R3HDM2: variants seen among roughly 807,000 people sequenced by gnomAD.
R3HDM2 encodes R3H domain-containing protein 2.
R3HDM2 carries 38 observed loss-of-function variants against 124.5 expected under a neutral mutation model. That is an observed-to-expected ratio of 0.31 (90% CI 0.24 to 0.40). The LOEUF is 0.40. Ranked by LOEUF, R3HDM2 falls within the 10% of genes least tolerant of loss-of-function variation. R3HDM2 has a pLI of 1.00. For missense variants in R3HDM2, 869 were observed against 1,236.9 expected, an observed-to-expected ratio of 0.70 and a Z score of 4.46; for synonymous variants, 391 against 448.0, an observed-to-expected ratio of 0.87 and a Z score of 1.61.
At position 57,269,435 on chromosome 12, in the gene R3HDM2, G is replaced by A. The variant is rs754283569; in HGVS notation, c.1602C>T (p.Tyr534=). 9.9e-6 allele frequency: 16 copies of A among 1,613,980 alleles called. No homozygotes were observed. The South Asian group carries it at 1.3e-4, about 13-fold the overall frequency. Residue 534 remains tyrosine (Y), a synonymous_variant, in exon 16 of 24, where the codon TAC becomes TAT. Transcript: ENST00000402412. ...AGTTAGGATATTGTCCAGGGGGATA[G>A]TAAGAAACCTGGATCTATGGTGAGA... is the stretch of plus-strand genomic sequence containing the variant. ...MQPPQQIQVS[Y]YPPGQYPNSN...
chr12:57,269,959 G>A lies in R3HDM2; in HGVS notation c.1380C>T (p.Ser460=), dbSNP rs2043220336. 6.2e-7 allele frequency: 1 copy of A among 1,614,188 alleles called. No individual in the cohort carries two copies. The highest frequency in any genetic ancestry group is 8.5e-7 in the Non-Finnish European group (1 of 1,180,034). ...CTTCAGTAGAACCTTGGCGACTAAGGCTCATTTGTCCAAAGGGGTTGCTGA... is the reference window on the plus strand; with the variant it reads ...CTTCAGTAGAACCTTGGCGACTAAGACTCATTTGTCCAAAGGGGTTGCTGA... ...DDLSNPFGQM[S]LSRQGSTEAA... Residue 460 remains serine (S), a synonymous_variant, in exon 15 of 24, where the codon AGC becomes AGT. Transcript: ENST00000402412.
intron 2 of R3HDM2, among the ~76,000 whole-genome samples, chr12:57,365,251 G>A (rs1319932100): frequency 1.3e-5 from 2 of 150,624 alleles, no homozygotes; most frequent in South Asian, 2.1e-4. Context: ...GTGACAGAGT[G>A]AGACTCTGTC....
intron 1 of R3HDM2, among the ~76,000 whole-genome samples, chr12:57,424,505 C>A (rs1437360663): frequency 6.6e-6 from 1 of 152,066 alleles, no homozygotes; most frequent in Non-Finnish European, 1.5e-5. Context: ...ATTGTCACTG[C>A]CTTAATTACT....
At chr12:57,264,783 C>A (rs1448330288) in intron 19 of R3HDM2, among the ~76,000 whole-genome samples, 5 of 152,068 alleles carry the variant, frequency 3.3e-5, no homozygotes, top group African/African-American at 4.8e-5. Flanking sequence ...ACTAAAAGCA[C>A]ATGCCACCAT....
chr12:57,308,571 A>G (rs970710095), intron 3 of R3HDM2, among the ~76,000 whole-genome samples: 1 of 151,770 alleles, frequency 6.6e-6, no homozygotes, highest in African/African-American at 2.4e-5. Flanking sequence ...CTGTAATCCC[A>G]ACTACTCGGG....
chr12:57,372,477 C>A (rs530125357), intron 2 of R3HDM2, among the ~76,000 whole-genome samples: 1 of 152,124 alleles, frequency 6.6e-6, no homozygotes, highest in Non-Finnish European at 1.5e-5. Context: ...AAGCTCTTTG[C>A]AATAAAGGGT....
chr12:57,392,112 G>A (rs1206518845), intron 2 of R3HDM2, among the ~76,000 whole-genome samples: 3 of 152,250 alleles, frequency 2.0e-5, no homozygotes, highest in Admixed American at 6.5e-5. Context: ...GCAGTGAGCC[G>A]AGATCGTGCA....
At chr12:57,311,638 G>A (rs1392718004) in intron 2 of R3HDM2, among the ~76,000 whole-genome samples, 1 of 152,088 alleles carries the variant, frequency 6.6e-6, no homozygotes, top group Non-Finnish European at 1.5e-5. Flanking sequence ...CTCCCAAAGT[G>A]TTGGGATTAG....
At chr12:57,384,488 G>A (rs1262825231) in intron 2 of R3HDM2, among the ~76,000 whole-genome samples, 1 of 152,072 alleles carries the variant, frequency 6.6e-6, no homozygotes, top group African/African-American at 2.4e-5. Context: ...TACTTCTTTT[G>A]GAAGGCTGTA....
intron 2 of R3HDM2, among the ~76,000 whole-genome samples, chr12:57,342,918 T>C (rs544797123): frequency 1.3e-5 from 2 of 152,222 alleles, no homozygotes; most frequent in Admixed American, 6.5e-5. Context: ...AGGATACCAG[T>C]AGCTATCTAT....
At chr12:57,268,898 C>A (rs1177470318) in intron 17 of R3HDM2, 24 bp downstream of exon 17, 1 of 1,609,186 alleles carries the variant, frequency 6.2e-7, no homozygotes, top group Admixed American at 1.7e-5. Context: ...TGGGGTGATC[C>A]TTCCCAATGC....
chr12:57,297,321 A>G lies in R3HDM2; in HGVS notation c.560+7T>C. 1 of 1,439,218 alleles carries G rather than the reference A, an allele frequency of 6.9e-7. No homozygotes were observed. The highest frequency in any genetic ancestry group is 9.5e-7 in the Non-Finnish European group (1 of 1,049,054). 89.2% of individuals were successfully genotyped at this position (1,439,218 alleles called of 1,614,324 possible). A position where few individuals can be genotyped will look rare whatever the true frequency, so the allele number is the denominator to read the frequency against. On this transcript the variant is annotated splice_region_variant and intron_variant, in intron 8 of 23. Coordinates refer to ENST00000402412, the MANE Select transcript of R3HDM2 (RefSeq NM_001394031.1). ...CTCTAATTATATATTTCATGCAAGT[A>G]ACTTACTTGTTGTCATTAATAAATT... is the stretch of plus-strand genomic sequence containing the variant.
chr12:57,423,325 A>G (rs368691996), intron 1 of R3HDM2, among the ~76,000 whole-genome samples: 15 of 151,736 alleles, frequency 9.9e-5, no homozygotes, highest in African/African-American at 3.6e-4. Flanking sequence ...TTGTAAGACT[A>G]AAGTGGGAGA....
intron 1 of R3HDM2, among the ~76,000 whole-genome samples, chr12:57,412,696 C>T (rs933359457): frequency 6.6e-6 from 1 of 151,524 alleles, no homozygotes; most frequent in Non-Finnish European, 1.5e-5. Flanking sequence ...ATTACCTGAG[C>T]ATAAGAGGGA....
At chr12:57,297,938 C>T (rs563260685) in intron 7 of R3HDM2, 152 bp downstream of exon 7, 2 of 649,996 alleles carry the variant, frequency 3.1e-6, no homozygotes, top group South Asian at 3.6e-5. Flanking sequence ...GAATCCCTCA[C>T]AGAATATAAA....
At chr12:57,300,977 G>T (rs1459309636) in intron 4 of R3HDM2, among the ~76,000 whole-genome samples, 1 of 152,006 alleles carries the variant, frequency 6.6e-6, no homozygotes, top group Admixed American at 6.6e-5. Flanking sequence ...GGTAGCACAT[G>T]ACTGTGGTCC....
intron 2 of R3HDM2, among the ~76,000 whole-genome samples, chr12:57,349,979 G>C (rs528835302): frequency 6.6e-6 from 1 of 152,036 alleles, no homozygotes; most frequent in African/African-American, 2.4e-5. Context: ...TTGGGAGGCC[G>C]AGGTGGGCAG....
chr12:57,287,597 C>T (rs1224286469), intron 12 of R3HDM2, among the ~76,000 whole-genome samples: 1 of 152,196 alleles, frequency 6.6e-6, no homozygotes, highest in African/African-American at 2.4e-5. Flanking sequence ...GAAAGGACAA[C>T]TACAGTAGTA....
At chr12:57,371,753 G>C (rs1223464552) in intron 2 of R3HDM2, among the ~76,000 whole-genome samples, 1 of 152,206 alleles carries the variant, frequency 6.6e-6, no homozygotes, top group Non-Finnish European at 1.5e-5. Flanking sequence ...TTTGAGCATA[G>C]TCTAAGGGAA....
Sources: allele counts gnomAD v4.1 joint callset (sites outside exome capture counted in the v4.1 genomes callset), GRCh38; gene constraint gnomAD v4.1.1; transcripts MANE v1.5; gene names NCBI Gene and HGNC (gene_info 2026-07-23, HGNC 2026-07-21).